The following ADD3 variants were observed in gnomAD, a reference collection of about 807,000 sequenced individuals.
ADD3 encodes adducin 3, also known as gamma-adducin.
In ADD3, 25 loss-of-function variants were observed where a neutral mutation model predicts 80.2. The observed-to-expected ratio is 0.31, with a 90% CI of 0.23 to 0.44. The LOEUF (loss-of-function observed/expected upper bound fraction) is 0.44, where lower values mean the gene tolerates loss of function less well. ADD3 is among the 20% of genes least tolerant of loss of function. The pLI, the probability that ADD3 is intolerant of heterozygous loss-of-function variation, is 1.00. For synonymous variants in ADD3, 284 were observed against 289.6 expected, an observed-to-expected ratio of 0.98 and a Z score of 0.20; for missense variants, 829 against 847.5, an observed-to-expected ratio of 0.98 and a Z score of 0.27.
chr10:110,086,717 G>T (rs1020044108), intron 1 of ADD3, among the ~76,000 whole-genome samples: 1 of 152,092 alleles, frequency 6.6e-6, no homozygotes, highest in African/African-American at 2.4e-5. Flanking sequence ...GTTTCCTGAG[G>T]CCTCTCCAGC....
At chr10:110,041,589 G>A (rs1369540117) in intron 1 of ADD3, among the ~76,000 whole-genome samples, 1 of 152,162 alleles carries the variant, frequency 6.6e-6, no homozygotes, top group East Asian at 1.9e-4. Context: ...GTGTGATATA[G>A]GATGTTCACA....
chr10:110,007,531 T>C (rs1336805280), upstream of ADD3, among the ~76,000 whole-genome samples: 1 of 152,138 alleles, frequency 6.6e-6, no homozygotes, highest in East Asian at 1.9e-4. Flanking sequence ...GCGCCCCTCC[T>C]CCCCTTCGCG....
At chr10:110,128,212 AGT>A (rs1852439725) in intron 12 of ADD3, among the ~76,000 whole-genome samples, 1 of 151,672 alleles carries the variant, frequency 6.6e-6, no homozygotes, top group South Asian at 2.1e-4. Context: ...GTTTTTTAAA[AGT>A]GTTTCTTCAA....
Position 110,122,010 on chromosome 10 carries a change from A to G in ADD3, c.961-100A>G, listed in dbSNP as rs367795380. 55 of 1,018,156 alleles carry G rather than the reference A, an allele frequency of 5.4e-5. No individual in the cohort carries two copies. In the East Asian group the frequency reaches 9.3e-4, roughly 17 times the overall value. 63.1% of individuals were successfully genotyped at this position (1,018,156 alleles called of 1,614,324 possible). On this transcript the variant is annotated intron_variant, in intron 8 of 14. Transcript: ENST00000356080. ...GTTGTTAGTAGCCTGAGCAAGTATT[A>G]TAGATATTTGCCAAATTGAAATTGT...
At chr10:110,081,471 G>T (rs935623986) in intron 1 of ADD3, among the ~76,000 whole-genome samples, 2 of 152,120 alleles carry the variant, frequency 1.3e-5, no homozygotes, top group African/African-American at 4.8e-5. Context: ...ATTCGAATCT[G>T]TGAAAATAGA....
At chr10:110,132,226 T>A in intron 13 of ADD3, 79 bp from the exon 14 acceptor site, 1 of 885,666 alleles carries the variant, frequency 1.1e-6, no homozygotes, top group Non-Finnish European at 1.8e-6. Context: ...AGGCATTTGA[T>A]GTATGCACTA....
chr10:110,036,609 T>C (rs769033249), intron 1 of ADD3, among the ~76,000 whole-genome samples: 13 of 151,962 alleles, frequency 8.6e-5, no homozygotes, highest in Non-Finnish European at 1.6e-4. Context: ...ACTGTCCTCA[T>C]GATCCGCCCG....
At chr10:110,083,523 AAAAG>A (rs1274832556) in intron 1 of ADD3, among the ~76,000 whole-genome samples, 2 of 152,090 alleles carry the variant, frequency 1.3e-5, no homozygotes, top group Non-Finnish European at 2.9e-5. Context: ...CTCAAAAAAA[AAAAG>A]AAAATAGAAG....
At chr10:110,111,550 C>G (rs1399965196) in intron 2 of ADD3, among the ~76,000 whole-genome samples, 1 of 152,110 alleles carries the variant, frequency 6.6e-6, no homozygotes, top group Non-Finnish European at 1.5e-5. Context: ...CTGCCACTAC[C>G]TCACCCACCC....
intron 1 of ADD3, among the ~76,000 whole-genome samples, chr10:110,024,897 C>T (rs1357092721): frequency 6.6e-6 from 1 of 151,344 alleles, no homozygotes; most frequent in Non-Finnish European, 1.5e-5. Context: ...AGTAAGTTGT[C>T]ACCCCCAAAC....
chr10:110,066,508 C>T (rs930537882), intron 1 of ADD3, among the ~76,000 whole-genome samples: 1 of 152,182 alleles, frequency 6.6e-6, no homozygotes, highest in Non-Finnish European at 1.5e-5. Context: ...GCTGGGATTA[C>T]AGGTGTGAGC....
At chr10:110,088,489 C>A (rs551677595) in intron 1 of ADD3, among the ~76,000 whole-genome samples, 5 of 152,248 alleles carry the variant, frequency 3.3e-5, no homozygotes, top group Non-Finnish European at 5.9e-5. Flanking sequence ...TTTCATGGCA[C>A]AATATTAGGC....
rs972730319 is a variant in ADD3, at chr10:110,118,721, C to A, written c.702C>A (p.Thr234=). Residue 234 remains threonine (T), a synonymous_variant, in exon 6 of 15, where the codon ACC becomes ACA. Coordinates refer to ENST00000356080, the MANE Select transcript of ADD3 (RefSeq NM_016824.5). ...TTAAGTGTGTGATACACATCCATAC[C>A]CTTGCAACAGCAGCTGTAAGTCAAT... ...PDVKCVIHIH[T]LATAAVSSMK... is the part of the protein sequence containing the mutation. The A allele has an allele frequency of 1.9e-6, 3 of 1,613,822 alleles. No individual in the cohort carries two copies. Among genetic ancestry groups the A allele is most frequent in the African/African-American group, 2.7e-5 (2 of 75,038 alleles).
At chr10:110,004,552 G>A (rs1473035166), upstream of ADD3, among the ~76,000 whole-genome samples, 46 of 151,280 alleles carry the variant, frequency 3.0e-4, no homozygotes, top group Non-Finnish European at 5.9e-4. Context: ...CTCGTGACCT[G>A]CCTGCCTCAG....
intron 1 of ADD3, among the ~76,000 whole-genome samples, chr10:110,000,316 T>C (rs1851461160): frequency 6.6e-6 from 1 of 152,200 alleles, no homozygotes. Flanking sequence ...TAAGATGATT[T>C]ATAGCTCTGA....
intron 1 of ADD3, among the ~76,000 whole-genome samples, chr10:110,017,559 G>A (rs1853147430): frequency 6.6e-6 from 1 of 152,110 alleles, no homozygotes; most frequent in Non-Finnish European, 1.5e-5. Context: ...TTTTTTGTAG[G>A]GGAGTGGGGA....
In ADD3 at chr10:110,106,336, T is replaced by G. The variant is rs976758431; in HGVS notation, c.195+5488T>G. On this transcript the variant is annotated intron_variant, in intron 2 of 14. Transcript: ENST00000356080. ...TTTTTAAGCATTAATTGAAATAATT[T>G]TATCAGGTCAGGTTTTTTTAAAAAA... is the stretch of plus-strand genomic sequence containing the variant. Among the ~76,000 whole-genome samples the G allele has an allele frequency of 5.3e-5, 8 of 152,096 alleles. No homozygotes were observed. The East Asian group carries it at 7.7e-4, about 15-fold the overall frequency.
At chr10:110,024,456 CAA>C (rs1854046224) in intron 1 of ADD3, among the ~76,000 whole-genome samples, 1 of 152,162 alleles carries the variant, frequency 6.6e-6, no homozygotes, top group African/African-American at 2.4e-5. Context: ...AATGGTGAAA[CAA>C]GATGATTTGG....
chr10:110,025,334 T>A (rs966474314), intron 1 of ADD3, among the ~76,000 whole-genome samples: 3 of 151,924 alleles, frequency 2.0e-5, no homozygotes, highest in Non-Finnish European at 4.4e-5. Flanking sequence ...TAATACTAAT[T>A]TAATTTAATA....
Sources: gnomAD v4.1 joint callset for allele counts (sites outside exome capture counted in the v4.1 genomes callset) on GRCh38, gnomAD v4.1.1 for gene constraint, MANE v1.5 for transcripts, NCBI Gene and HGNC (gene_info 2026-07-23, HGNC 2026-07-21) for gene names.